Variants in DCBLD1 observed in about 807,000 individuals in gnomAD.
The protein encoded by DCBLD1 is discoidin, CUB and LCCL domain containing 1.
In DCBLD1, 57 loss-of-function variants were observed where a neutral mutation model predicts 71.5. The ratio of observed to expected loss-of-function variants is 0.80; its 90% CI spans 0.64 to 0.99. The LOEUF is 0.99. Ranked by LOEUF, DCBLD1 falls within the 50% of genes least tolerant of loss-of-function variation. DCBLD1 has a pLI of 0.00. For missense variants in DCBLD1, 891 were observed against 923.5 expected (o/e 0.96, Z 0.46); for synonymous variants, 380 against 363.8 (o/e 1.04, Z -0.51).
rs190799194 is a variant in DCBLD1, at chr6:117,507,611, A to G, written c.325+3632A>G. Among the ~76,000 whole-genome samples the G allele has an allele frequency of 1.1e-4, 16 of 152,348 alleles. No homozygotes were observed. The East Asian group carries it at 2.7e-3, about 26-fold the overall frequency. On this transcript the variant is annotated intron_variant, in intron 2 of 14. Coordinates refer to ENST00000338728, the MANE Select transcript of DCBLD1 (RefSeq NM_001366458.2). ...AGGGAATTCTAGGTTTTTGTTTAAC[A>G]GACCAAAGTAACTGAGACTCCCTTT...
intron 2 of DCBLD1, among the ~76,000 whole-genome samples, chr6:117,514,415 G>A (rs1004835543): frequency 1.3e-5 from 2 of 151,962 alleles, no homozygotes; most frequent in African/African-American, 4.8e-5. Context: ...GACCAACCTG[G>A]GCAATGTAGT....
intron 2 of DCBLD1, among the ~76,000 whole-genome samples, chr6:117,517,665 A>C (rs543641571): frequency 6.6e-6 from 1 of 152,318 alleles, no homozygotes; most frequent in South Asian, 2.1e-4. Context: ...CCAAACCCCA[A>C]TTCTTGACTT....
intron 2 of DCBLD1, among the ~76,000 whole-genome samples, chr6:117,512,358 C>T (rs903167722): frequency 1.3e-5 from 2 of 152,170 alleles, no homozygotes; most frequent in Non-Finnish European, 2.9e-5. Flanking sequence ...CTTACTGTTA[C>T]GTGACTATGG....
Position 117,563,307 on chromosome 6 carries a change from C to T in DCBLD1, c.1616-6313C>T, listed in dbSNP as rs142660563. 1.2e-5 allele frequency: 19 copies of T among 1,612,710 alleles called. No homozygotes were observed. The African/African-American group carries it at 1.6e-4, about 14-fold the overall frequency. On this transcript the variant is annotated intron_variant, in intron 14 of 14. Coordinates refer to the DCBLD1 transcript ENST00000296955. ...TGCAGATCATCTAATTTTGAAGCACCGTCATCTAGCGGAGTTTCACTTGCA... is the reference window on the plus strand; with the variant it reads ...TGCAGATCATCTAATTTTGAAGCACTGTCATCTAGCGGAGTTTCACTTGCA...
chr6:117,563,672 A>C (rs1445906766), intron 14 of DCBLD1, among the ~76,000 whole-genome samples: 1 of 151,870 alleles, frequency 6.6e-6, no homozygotes, highest in Non-Finnish European at 1.5e-5. Flanking sequence ...CAGTGAGCTG[A>C]GATCGTACCA....
intron 5 of DCBLD1, among the ~76,000 whole-genome samples, chr6:117,531,138 C>T (rs1455510410): frequency 6.6e-6 from 1 of 152,136 alleles, no homozygotes; most frequent in Non-Finnish European, 1.5e-5. Flanking sequence ...CTCATTAGTC[C>T]TTATACTGTT....
Position 117,564,144 on chromosome 6 carries a change from T to C in DCBLD1, c.1616-5476T>C, listed in dbSNP as rs942303487. ...AAGCATGTGCCACCATGTCCAGCTA[T>C]ATTTTAAAAATTTTTTTGAAGAGAC... On this transcript the variant is annotated intron_variant, in intron 14 of 14. Coordinates refer to the DCBLD1 transcript ENST00000296955. Among the ~76,000 whole-genome samples, 6 of 152,094 alleles carry C rather than the reference T, an allele frequency of 3.9e-5. No individual in the cohort carries two copies. The South Asian group carries it at 1.2e-3, about 32-fold the overall frequency.
chr6:117,540,982 T>C lies in DCBLD1; in HGVS notation c.1314T>C (p.Asp438=). ...CCAGTGTTTCAACTAAGAAAGAAGA[T>C]GAGACAATCACAAGGCCCATCCCCT... The part of the protein sequence containing the change: ...QSTSVSTKKE[D]ETITRPIPSE... The change falls in exon 11 of 15, where the codon GAT becomes GAC. Residue 438 remains aspartate, a synonymous_variant. Coordinates refer to ENST00000338728, the MANE Select transcript of DCBLD1 (RefSeq NM_001366458.2). 6.2e-7 allele frequency: 1 copy of C among 1,614,160 alleles called. No individual in the cohort carries two copies. Among genetic ancestry groups the C allele is most frequent in the African/African-American group, 1.3e-5 (1 of 75,046 alleles).
chr6:117,549,136 A>G lies in DCBLD1; in HGVS notation c.*697A>G. On this transcript the variant is annotated 3_prime_UTR_variant, in exon 15 of 15. Transcript: ENST00000338728. ...TCCTTAGTCTCCACTTCAGAGGGGG[A>G]TGCGAAGAGGTCGGCCCAGCTCCGG... is the stretch of plus-strand genomic sequence containing the variant. 1.0e-6 allele frequency: 1 copy of G among 985,642 alleles called. No homozygotes were observed. Among genetic ancestry groups the G allele is most frequent in the Non-Finnish European group, 1.2e-6 (1 of 830,118 alleles). The allele number at this position is 985,642 out of a possible 1,614,324, so 61.1% of individuals were successfully genotyped here.
At chr6:117,531,978 T>C (rs556325790) in intron 5 of DCBLD1, among the ~76,000 whole-genome samples, 1 of 152,340 alleles carries the variant, frequency 6.6e-6, no homozygotes, top group Admixed American at 6.5e-5. Flanking sequence ...GGAATCACTC[T>C]TGTGGCTGCC....
intron 9 of DCBLD1, 172 bp from the exon 10 acceptor site, chr6:117,540,496 T>C (rs1779054176): frequency 1.5e-6 from 1 of 674,714 alleles, no homozygotes. Flanking sequence ...CTTAGTTAGA[T>C]AAATTGGCCC....
At chr6:117,490,743 C>T (rs75584665) in intron 1 of DCBLD1, among the ~76,000 whole-genome samples, 4,652 of 150,192 alleles carry the variant, frequency 0.031, 85 homozygotes, top group Non-Finnish European at 0.038. Flanking sequence ...ATTATAACCG[C>T]TGTTGTGGCC....
chr6:117,547,833 A>T (rs1779320707), intron 14 of DCBLD1, 74 bp from the exon 15 acceptor site: 1 of 1,548,830 alleles, frequency 6.5e-7, no homozygotes, highest in Admixed American at 2.0e-5. Context: ...CCTGAAGCAG[A>T]GTATCCCCGT....
chr6:117,511,633 A>AT (rs1056086343), intron 2 of DCBLD1, among the ~76,000 whole-genome samples: 1 of 152,222 alleles, frequency 6.6e-6, no homozygotes, highest in Non-Finnish European at 1.5e-5. Context: ...TCTGCATGTC[A>AT]TTTTTTAGAA....
chr6:117,487,110 T>G (rs1777115577), intron 1 of DCBLD1, among the ~76,000 whole-genome samples: 1 of 152,134 alleles, frequency 6.6e-6, no homozygotes, highest in Admixed American at 6.5e-5. Flanking sequence ...CCAAAAAGGT[T>G]GGTGACCACT....
rs200860582 is a variant in DCBLD1 at position 117,519,892 on chromosome 6, T to C, written c.402T>C (p.Ser134=). The change falls in exon 3 of 15, where the codon AGT becomes AGC. Residue 134 remains serine (S), a synonymous_variant. Transcript: ENST00000338728. ...GTGAAGTAACCGTCCGCTTTGAGAG[T>C]GGATCCCACATTTCTGGCCGGGGTT... ...NTSEVTVRFE[S]GSHISGRGFL... 20 of 1,613,988 alleles carry C rather than the reference T, an allele frequency of 1.2e-5. No homozygotes were observed. In the South Asian group the frequency reaches 1.4e-4, roughly 12 times the overall value.
intron 2 of DCBLD1, among the ~76,000 whole-genome samples, chr6:117,517,289 T>C (rs1778232797): frequency 6.6e-6 from 1 of 152,220 alleles, no homozygotes; most frequent in African/African-American, 2.4e-5. Context: ...AGCTCCAAAA[T>C]GATCTCCTTT....
At position 117,548,714 on chromosome 6, in the gene DCBLD1, ATATTGAG is replaced by A; in HGVS notation, c.*276_*282del. On this transcript the variant is annotated 3_prime_UTR_variant, in exon 15 of 15. Coordinates refer to ENST00000338728, the MANE Select transcript of DCBLD1 (RefSeq NM_001366458.2). Reference sequence around the variant, plus strand: ...GATGGCGTTTTCATTCCTCTGACTGATATTGAGCTGCTTTGGTGTTAAAGGTGTAATG... The same window carrying A: ...GATGGCGTTTTCATTCCTCTGACTGACTGCTTTGGTGTTAAAGGTGTAATG... 1 of 1,371,948 alleles carries A rather than the reference ATATTGAG, an allele frequency of 7.3e-7. No individual in the cohort carries two copies. Among genetic ancestry groups the A allele is most frequent in the Middle Eastern group, 2.7e-4 (1 of 3,638 alleles). 85.0% of individuals were successfully genotyped at this position (1,371,948 alleles called of 1,614,324 possible). A position where few individuals can be genotyped will look rare whatever the true frequency, so the allele number is the denominator to read the frequency against.
At chr6:117,540,609 G>A (rs1029423510) in intron 9 of DCBLD1, 59 bp from the exon 10 acceptor site, 1 of 1,599,614 alleles carries the variant, frequency 6.3e-7, no homozygotes, top group South Asian at 1.1e-5. Context: ...TAAGTGGGAT[G>A]ATAAACACCT....
Sources: allele counts gnomAD v4.1 joint callset (sites outside exome capture counted in the v4.1 genomes callset), GRCh38; gene constraint gnomAD v4.1.1; transcripts MANE v1.5; gene names NCBI Gene and HGNC (gene_info 2026-07-23, HGNC 2026-07-21).